The following PCK2 variants were observed in gnomAD, a reference collection of about 807,000 sequenced individuals.
The protein encoded by PCK2 is phosphoenolpyruvate carboxykinase 2, mitochondrial.
PCK2 carries 56 observed loss-of-function variants against 65.9 expected under a neutral mutation model. The ratio of observed to expected loss-of-function variants is 0.85; its 90% CI spans 0.69 to 1.06. The LOEUF is 1.06. Among genes scored for constraint, PCK2 ranks in the 50% least tolerant of loss-of-function variants. The probability of loss-of-function intolerance (pLI) is 0.00; values close to 1 mark genes in which losing one functional copy is unlikely to be tolerated. For missense variants in PCK2, 843 were observed against 863.1 expected (o/e 0.98, Z 0.29); for synonymous variants, 305 against 319.6 (o/e 0.95, Z 0.49).
intron 7 of PCK2, 43 bp from the exon 8 acceptor site, chr14:24,102,710 G>A (rs544405700): frequency 1.9e-5 from 30 of 1,579,668 alleles, no homozygotes; most frequent in Admixed American, 8.7e-5. Flanking sequence ...GTTGGGGGTC[G>A]ACATGACCTT....
chr14:24,101,321 C>T (rs1388055365), intron 7 of PCK2, among the ~76,000 whole-genome samples: 4 of 152,192 alleles, frequency 2.6e-5, no homozygotes, highest in African/African-American at 4.8e-5. Flanking sequence ...TCTGCAATGG[C>T]GGGCAGAAGC....
chr14:24,101,381 C>T (rs2037155770), intron 7 of PCK2, among the ~76,000 whole-genome samples: 1 of 152,178 alleles, frequency 6.6e-6, no homozygotes, highest in Non-Finnish European at 1.5e-5. Context: ...TCCCCACTCC[C>T]CAGGTCTGAC....
At chr14:24,103,382 A>G in intron 9 of PCK2, 127 bp downstream of exon 9, 1 of 1,156,584 alleles carries the variant, frequency 8.6e-7, no homozygotes, top group South Asian at 1.3e-5. Flanking sequence ...TCCCACTTCT[A>G]TCTTTTCCCC....
chr14:24,097,644 G>A (rs1385953036), intron 2 of PCK2, among the ~76,000 whole-genome samples: 1 of 150,056 alleles, frequency 6.7e-6, no homozygotes, highest in East Asian at 2.0e-4. Flanking sequence ...CTGGAGTGCA[G>A]TGGCATGATT....
chr14:24,097,544 A>G (rs1336029002), intron 2 of PCK2, among the ~76,000 whole-genome samples: 1 of 151,174 alleles, frequency 6.6e-6, no homozygotes, highest in African/African-American at 2.4e-5. Flanking sequence ...AGCCTGGGCA[A>G]TAAGAGCGAA....
intron 2 of PCK2, among the ~76,000 whole-genome samples, chr14:24,097,555 ACT>A (rs1303689804): frequency 2.8e-5 from 4 of 144,376 alleles, no homozygotes; most frequent in African/African-American, 7.6e-5. Context: ...TAAGAGCGAA[ACT>A]CTGTCTCAAA....
intron 9 of PCK2, 44 bp from the exon 10 acceptor site, chr14:24,103,466 C>T (rs2037247733): frequency 6.7e-7 from 1 of 1,482,602 alleles, no homozygotes; most frequent in Non-Finnish European, 9.1e-7. Context: ...CTTCCCTACC[C>T]CAGTGAGAAG....
chr14:24,099,292 T>C (rs1265380125), intron 5 of PCK2, 56 bp downstream of exon 5: 16 of 1,503,196 alleles, frequency 1.1e-5, no homozygotes, highest in Non-Finnish European at 1.3e-5. Context: ...GGGTGGGGCC[T>C]GGCCAGTCTG....
Position 24,094,621 on chromosome 14 carries a change from G to A in PCK2, c.29+187G>A. 1 of 1,470,100 alleles carries A rather than the reference G, an allele frequency of 6.8e-7. No individual in the cohort carries two copies. Among genetic ancestry groups the A allele is most frequent in the South Asian group, 1.4e-5 (1 of 72,720 alleles). The allele number at this position is 1,470,100 out of a possible 1,614,324, so 91.1% of individuals were successfully genotyped here. The stretch of plus-strand genomic sequence containing the variant: ...TCTCTTGGGAGGGCAGCCGGCCGGT[G>A]CTCCTCGTTTCCGCCTGCACCTCCC... On this transcript the variant is annotated intron_variant, in intron 1 of 9. Coordinates refer to ENST00000216780, the MANE Select transcript of PCK2 (RefSeq NM_004563.4). This position sits in a 1 kb window ranked among gnomAD's most constrained non-coding sequence, Gnocchi z 4.1.
Position 24,103,894 on chromosome 14 carries a change from T to A in PCK2, c.1853T>A (p.Val618Asp), listed in dbSNP as rs529585074. The change falls in exon 10 of 10, where the codon GTC becomes GAC. Residue 618 changes from valine (V) to aspartate (D), a missense_variant. Coordinates refer to ENST00000216780, the MANE Select transcript of PCK2 (RefSeq NM_004563.4). Reference sequence around the variant, plus strand: ...ATTCGGAGCTACCTGACAGAGCAGGTCAACCAGGATCTGCCCAAAGAGGTG... The same window carrying A: ...ATTCGGAGCTACCTGACAGAGCAGGACAACCAGGATCTGCCCAAAGAGGTG... The part of the protein sequence containing the change: ...RDIRSYLTEQ[V>D]NQDLPKEVLA... The A allele has an allele frequency of 6.2e-7, 1 of 1,614,046 alleles. No individual in the cohort carries two copies. The highest frequency in any genetic ancestry group is 8.5e-7 in the Non-Finnish European group (1 of 1,180,006).
chr14:24,098,079 T>G, intron 2 of PCK2, 124 bp from the exon 3 acceptor site: 1 of 748,892 alleles, frequency 1.3e-6, no homozygotes, highest in Non-Finnish European at 2.2e-6. Flanking sequence ...GACTGAGATG[T>G]GATTGGGTGG....
intron 1 of PCK2, among the ~76,000 whole-genome samples, chr14:24,096,075 G>A (rs2036863680): frequency 2.0e-5 from 3 of 151,992 alleles, no homozygotes; most frequent in Admixed American, 2.0e-4. Context: ...ACACCAGAAG[G>A]AAAGAATAAA....
Position 24,103,602 on chromosome 14 carries a change from C to T in PCK2, c.1561C>T (p.Arg521Cys), listed in dbSNP as rs146891790. 1.6e-5 allele frequency: 26 copies of T among 1,611,914 alleles called. No homozygotes were observed. The highest frequency in any genetic ancestry group is 1.7e-4 in the Middle Eastern group (1 of 6,044). Residue 521 changes from arginine to cysteine, a missense_variant, in exon 10 of 10, where the codon CGC (arginine) becomes TGC (cysteine). Coordinates refer to ENST00000216780, the MANE Select transcript of PCK2 (RefSeq NM_004563.4). ...YLEHWLSMEG[R>C]KGAQLPRIFH... is the part of the protein sequence containing the mutation. ...GGAACACTGGCTGAGCATGGAAGGG[C>T]GCAAGGGGGCCCAGCTGCCCCGTAT...
chr14:24,103,043 CT>C, intron 8 of PCK2, 116 bp from the exon 9 acceptor site: 1 of 1,194,882 alleles, frequency 8.4e-7, no homozygotes, highest in Middle Eastern at 1.9e-4. Flanking sequence ...GGCAAAGGGT[CT>C]GAAAATGGGA....
intron 8 of PCK2, 61 bp downstream of exon 8, chr14:24,102,951 C>T: frequency 1.3e-6 from 2 of 1,492,300 alleles, no homozygotes; most frequent in Non-Finnish European, 1.9e-6. Flanking sequence ...TAGGGCCTAC[C>T]TCCCTCCCTC....
chr14:24,100,553 CA>C, intron 7 of PCK2: 1 of 1,057,018 alleles, frequency 9.5e-7, no homozygotes, highest in Non-Finnish European at 1.2e-6. Context: ...AGTAAATTCT[CA>C]ATAATAAATA....
At chr14:24,098,770 C>A in intron 4 of PCK2, 92 bp downstream of exon 4, 2 of 1,093,204 alleles carry the variant, frequency 1.8e-6, no homozygotes, top group South Asian at 1.4e-5. Context: ...CCCTAAGAAC[C>A]TGTCCTCTCT....
Position 24,099,591 on chromosome 14 carries a change from C to A in PCK2, c.886C>A (p.Arg296Ser), listed in dbSNP as rs542065340. 13 of 1,608,550 alleles carry A rather than the reference C, an allele frequency of 8.1e-6. No individual in the cohort carries two copies. The highest frequency in any genetic ancestry group is 1.1e-5 in the Non-Finnish European group (13 of 1,177,084). The change falls in exon 6 of 10, where the codon CGC (arginine) becomes AGC (serine). Residue 296 changes from arginine to serine, a missense_variant. Transcript: ENST00000216780. ...CATCACCAGCCCTGCAGGGAAGAAG[C>A]GCTATGTGGCAGCCGCCTTCCCTAG... is the stretch of plus-strand genomic sequence containing the variant. ...LGITSPAGKK[R>S]YVAAAFPSAC...
chr14:24,098,170 C>A, intron 2 of PCK2, 33 bp from the exon 3 acceptor site: 2 of 1,559,756 alleles, frequency 1.3e-6, no homozygotes, highest in Admixed American at 1.8e-5. Flanking sequence ...AACCTGCTGG[C>A]CACCATCTTC....
Sources: allele counts gnomAD v4.1 joint callset (sites outside exome capture counted in the v4.1 genomes callset), GRCh38; gene constraint gnomAD v4.1.1; non-coding constraint Gnocchi (gnomAD v3.1); transcripts MANE v1.5; gene names NCBI Gene and HGNC (gene_info 2026-07-23, HGNC 2026-07-21).